RPAP2: variants seen among roughly 807,000 people sequenced by gnomAD.
RPAP2 encodes the protein RNA polymerase II associated protein 2.
A neutral mutation model predicts 73.1 loss-of-function variants in RPAP2; 52 were observed. The observed-to-expected ratio is 0.71, with a 90% CI of 0.57 to 0.90. The LOEUF is 0.90. Among genes scored for constraint, RPAP2 ranks in the 40% least tolerant of loss-of-function variants. The probability of loss-of-function intolerance (pLI) is 0.00; values close to 1 mark genes in which losing one functional copy is unlikely to be tolerated. For missense variants in RPAP2, 598 were observed against 701.8 expected, an observed-to-expected ratio of 0.85 and a Z score of 1.67; for synonymous variants, 225 against 242.1, an observed-to-expected ratio of 0.93 and a Z score of 0.65.
At chr1:92,341,237 G>A (rs1205008853) in intron 10 of RPAP2, among the ~76,000 whole-genome samples, 1 of 152,082 alleles carries the variant, frequency 6.6e-6, no homozygotes, top group Non-Finnish European at 1.5e-5. Context: ...TCGAACTCCT[G>A]AGCCCAAGCA....
chr1:92,317,491 G>A (rs1458722720), intron 6 of RPAP2, among the ~76,000 whole-genome samples: 1 of 152,068 alleles, frequency 6.6e-6, no homozygotes, highest in African/African-American at 2.4e-5. Context: ...CTAGGCAACA[G>A]TGAGACTCTG....
At chr1:92,364,747 T>C (rs1431602491) in intron 11 of RPAP2, among the ~76,000 whole-genome samples, 2 of 152,138 alleles carry the variant, frequency 1.3e-5, no homozygotes, top group Admixed American at 1.3e-4. Flanking sequence ...CTTCATTACT[T>C]GCCTAGACTG....
intron 11 of RPAP2, among the ~76,000 whole-genome samples, chr1:92,361,301 A>C (rs554462501): frequency 6.6e-6 from 1 of 152,238 alleles, no homozygotes; most frequent in Admixed American, 6.5e-5. Flanking sequence ...CATAATCTCC[A>C]TGCAGTCAAA....
rs562572765 is a variant in RPAP2 at position 92,317,165 on chromosome 1, TC to T, written c.489-3433del. Among the ~76,000 whole-genome samples, 259 of 152,268 alleles carry T rather than the reference TC, an allele frequency of 1.7e-3. 1 individual carries two copies. The highest frequency in any genetic ancestry group is 5.6e-3 in the African/African-American group (231 of 41,556). On this transcript the variant is annotated intron_variant, in intron 6 of 12. Transcript: ENST00000610020. The stretch of plus-strand genomic sequence containing the variant: ...GATTTACTACTTGTTAGCTATGTGA[TC>T]TTAGGAAGTCATTTAACCTCTCAAA...
chr1:92,375,703 C>T (rs528835004), intron 11 of RPAP2, among the ~76,000 whole-genome samples: 14 of 152,132 alleles, frequency 9.2e-5, no homozygotes, highest in African/African-American at 2.6e-4. Flanking sequence ...TGGTAGCGGA[C>T]GCCTATAATT....
intron 10 of RPAP2, 60 bp from the exon 11 acceptor site, chr1:92,345,786 A>C: frequency 9.5e-7 from 1 of 1,051,084 alleles, no homozygotes. Context: ...GTTATCTAGA[A>C]AGAAATAGAA....
intron 9 of RPAP2, among the ~76,000 whole-genome samples, chr1:92,334,161 T>C (rs1653134702): frequency 6.6e-6 from 1 of 152,186 alleles, no homozygotes; most frequent in African/African-American, 2.4e-5. Context: ...GTTGTGAATA[T>C]GAAGTTTTAT....
intron 11 of RPAP2, among the ~76,000 whole-genome samples, chr1:92,364,507 A>G (rs540261236): frequency 4.6e-5 from 7 of 151,760 alleles, no homozygotes; most frequent in South Asian, 2.1e-4. Flanking sequence ...ATTTTTTTTT[A>G]TTTTTTGCTG....
chr1:92,304,219 C>T (rs1651052800), intron 4 of RPAP2, 65 bp from the exon 5 acceptor site: 8 of 1,215,622 alleles, frequency 6.6e-6, no homozygotes, highest in African/African-American at 1.5e-5. Flanking sequence ...ATGACTTAAT[C>T]TTGTAACATA....
chr1:92,387,119 A>G lies in RPAP2; in HGVS notation c.*108A>G. 8.6e-7 allele frequency: 1 copy of G among 1,164,804 alleles called. No homozygotes were observed. The highest frequency in any genetic ancestry group is 2.5e-5 in the East Asian group (1 of 40,522). The allele number at this position is 1,164,804 out of a possible 1,614,324, so 72.2% of individuals were successfully genotyped here. ...CTGATAACTAGTTTTATTCCAAGACATACCTTTACCTCTTTAAGTTTCAAT... is the reference window on the plus strand; with the variant it reads ...CTGATAACTAGTTTTATTCCAAGACGTACCTTTACCTCTTTAAGTTTCAAT... On this transcript the variant is annotated 3_prime_UTR_variant, in exon 13 of 13. Coordinates refer to ENST00000610020, the MANE Select transcript of RPAP2 (RefSeq NM_024813.3).
chr1:92,348,540 C>A (rs773241954), intron 11 of RPAP2, among the ~76,000 whole-genome samples: 32 of 152,208 alleles, frequency 2.1e-4, no homozygotes, highest in Non-Finnish European at 4.4e-4. Context: ...TCTCCCTATT[C>A]TTTTGATCAT....
At position 92,333,401 on chromosome 1, in the gene RPAP2, C is replaced by T. The variant is rs1234076923; in HGVS notation, c.1466C>T (p.Thr489Ile). 5.0e-6 allele frequency: 8 copies of T among 1,612,756 alleles called. No individual in the cohort carries two copies. The highest frequency in any genetic ancestry group is 5.9e-6 in the Non-Finnish European group (7 of 1,178,926). ...KSQDSEEHDS[T>I]FPLIDSSSQN... ...AAAAATGTGATTCAGCATGATTCCACCTTTCCACTGATAGACTCAAGTTCC... is the reference window on the plus strand; with the variant it reads ...AAAAATGTGATTCAGCATGATTCCATCTTTCCACTGATAGACTCAAGTTCC... Residue 489 changes from threonine (T) to isoleucine (I), a missense_variant, in exon 9 of 13, where the codon ACC (threonine) becomes ATC (isoleucine). Thr to Ile is a moderately conservative substitution (Grantham distance 89, BLOSUM62 -1). Transcript: ENST00000610020.
At chr1:92,300,332 T>G (rs1478842352) in intron 2 of RPAP2, 93 bp downstream of exon 2, 2 of 1,009,804 alleles carry the variant, frequency 2.0e-6, no homozygotes, top group Non-Finnish European at 3.0e-6. Flanking sequence ...CCTTTTTTTT[T>G]TTAGAGAAAA....
chr1:92,311,837 A>G (rs1651612109), intron 6 of RPAP2, among the ~76,000 whole-genome samples: 1 of 152,188 alleles, frequency 6.6e-6, no homozygotes, highest in Non-Finnish European at 1.5e-5. Flanking sequence ...AAAATAATGT[A>G]CATACCTTAA....
chr1:92,322,677 C>T (rs1417249281), intron 7 of RPAP2, among the ~76,000 whole-genome samples: 2 of 151,784 alleles, frequency 1.3e-5, no homozygotes, highest in Non-Finnish European at 2.9e-5. Flanking sequence ...GAATTTGTGA[C>T]CAGCCTGGCC....
chr1:92,385,890 G>A (rs193139348), intron 12 of RPAP2, among the ~76,000 whole-genome samples: 3 of 152,290 alleles, frequency 2.0e-5, no homozygotes, highest in Non-Finnish European at 2.9e-5. Context: ...TAAGCTATCT[G>A]CCAGCGCTAT....
chr1:92,350,610 T>C (rs983917929), intron 11 of RPAP2, among the ~76,000 whole-genome samples: 5 of 152,214 alleles, frequency 3.3e-5, no homozygotes, highest in African/African-American at 1.2e-4. Flanking sequence ...CTTTGATGCA[T>C]GACTTTTAAT....
intron 10 of RPAP2, among the ~76,000 whole-genome samples, chr1:92,344,730 C>G: frequency 6.6e-6 from 1 of 152,130 alleles, no homozygotes; most frequent in East Asian, 1.9e-4. Context: ...ACTATTTCTT[C>G]CCATCCTCAC....
chr1:92,331,963 G>A (rs1652995691), intron 8 of RPAP2, among the ~76,000 whole-genome samples: 4 of 151,776 alleles, frequency 2.6e-5, no homozygotes, highest in Middle Eastern at 6.8e-3. Flanking sequence ...TTGTCTTTTG[G>A]CTTACATTTG....
Sources: gnomAD v4.1 joint callset for allele counts (sites outside exome capture counted in the v4.1 genomes callset) on GRCh38, gnomAD v4.1.1 for gene constraint, MANE v1.5 for transcripts, NCBI Gene and HGNC (gene_info 2026-07-23, HGNC 2026-07-21) for gene names.